TBC1D19: variants seen among roughly 807,000 people sequenced by gnomAD.
The protein encoded by TBC1D19 is TBC1 domain family member 19.
Under a neutral mutation model 89.0 loss-of-function variants are expected in TBC1D19, and 60 were observed. The ratio of observed to expected loss-of-function variants is 0.67; its 90% CI spans 0.55 to 0.84. The LOEUF (loss-of-function observed/expected upper bound fraction) is 0.84, where lower values mean the gene tolerates loss of function less well. Among genes scored for constraint, TBC1D19 ranks in the 40% least tolerant of loss-of-function variants. The probability of loss-of-function intolerance (pLI) is 0.00; values close to 1 mark genes in which losing one functional copy is unlikely to be tolerated. For missense variants in TBC1D19, 500 were observed against 610.8 expected (o/e 0.82, Z 1.91); for synonymous variants, 189 against 199.7 (o/e 0.95, Z 0.45).
intron 13 of TBC1D19, among the ~76,000 whole-genome samples, chr4:26,699,364 C>T (rs1348107067): frequency 2.6e-5 from 4 of 152,280 alleles, no homozygotes; most frequent in Admixed American, 6.5e-5. Flanking sequence ...CAGGAAACAA[C>T]AGGTGCTGGA....
At chr4:26,738,956 A>G (rs994855523) in intron 16 of TBC1D19, among the ~76,000 whole-genome samples, 26 of 152,172 alleles carry the variant, frequency 1.7e-4, no homozygotes, top group African/African-American at 5.8e-4. Flanking sequence ...AGAGCCCCAG[A>G]AATTCTTACT....
chr4:26,589,383 A>G (rs752060867), intron 1 of TBC1D19, among the ~76,000 whole-genome samples: 1 of 152,116 alleles, frequency 6.6e-6, no homozygotes, highest in African/African-American at 2.4e-5. Context: ...CATTGTTTCT[A>G]CTACATCCTT....
chr4:26,817,813 C>G, the TBC1D19 span, among the ~76,000 whole-genome samples: 10 of 151,562 alleles, frequency 6.6e-5, no homozygotes. Context: ...ACTAAAAATA[C>G]AAAAATTAGC....
the TBC1D19 span, among the ~76,000 whole-genome samples, chr4:26,779,064 T>C: frequency 6.6e-6 from 1 of 152,326 alleles, no homozygotes; most frequent in Non-Finnish European, 1.5e-5. Context: ...TAGTCCTTCA[T>C]GTTCCTAAGA....
chr4:26,692,680 A>C (rs1714409760), intron 13 of TBC1D19, among the ~76,000 whole-genome samples: 1 of 152,252 alleles, frequency 6.6e-6, no homozygotes, highest in Non-Finnish European at 1.5e-5. Context: ...GCAAACACTT[A>C]AGAGTAACAA....
At chr4:26,623,456 CT>C (rs1331109222) in intron 4 of TBC1D19, among the ~76,000 whole-genome samples, 2 of 152,146 alleles carry the variant, frequency 1.3e-5, no homozygotes, top group Non-Finnish European at 2.9e-5. Flanking sequence ...CTCTGTCTCA[CT>C]CATTTTAAGC....
At chr4:26,590,379 G>A (rs755508222) in intron 1 of TBC1D19, among the ~76,000 whole-genome samples, 17 of 152,226 alleles carry the variant, frequency 1.1e-4, no homozygotes, top group Middle Eastern at 3.4e-3. Flanking sequence ...CTATAATGTC[G>A]TGAGAATGAT....
chr4:26,773,517 A>T, the TBC1D19 span, among the ~76,000 whole-genome samples: 1 of 152,090 alleles, frequency 6.6e-6, no homozygotes, highest in African/African-American at 2.4e-5. Flanking sequence ...TGCTTTTGAC[A>T]TTTTTGTCAT....
Position 26,673,883 on chromosome 4 carries a change from C to T in TBC1D19, c.811C>T (p.Pro271Ser), listed in dbSNP as rs777031702. Residue 271 changes from proline to serine, a missense_variant, in exon 11 of 21, where the codon CCT (proline) becomes TCT (serine). Transcript: ENST00000264866. Reference sequence around the variant, plus strand: ...TCTCATTTTGAATATTTCCAGCCAACCTGAGGTAAGAAGAAAAAAAGGGTG... The same window carrying T: ...TCTCATTTTGAATATTTCCAGCCAATCTGAGGTAAGAAGAAAAAAAGGGTG... The part of the protein sequence containing the change: ...WALILNISSQ[P>S]EDVLYYEQLK... The T allele has an allele frequency of 1.1e-5, 17 of 1,582,956 alleles. No individual in the cohort carries two copies. Among genetic ancestry groups the T allele is most frequent in the Middle Eastern group, 1.7e-4 (1 of 5,946 alleles).
intron 15 of TBC1D19, among the ~76,000 whole-genome samples, chr4:26,730,618 A>G (rs1374617319): frequency 6.6e-6 from 1 of 152,224 alleles, no homozygotes; most frequent in Non-Finnish European, 1.5e-5. Flanking sequence ...ATACTTTGAT[A>G]ACAATCTGGA....
the TBC1D19 span, among the ~76,000 whole-genome samples, chr4:26,765,927 T>C: frequency 2.3e-4 from 35 of 152,188 alleles, no homozygotes; most frequent in Admixed American, 2.2e-3. Flanking sequence ...CTGCAAGGTT[T>C]TTTTGAAATA....
the TBC1D19 span, among the ~76,000 whole-genome samples, chr4:26,826,026 A>G: frequency 1.3e-5 from 2 of 152,132 alleles, no homozygotes; most frequent in African/African-American, 4.8e-5. Flanking sequence ...ACATGGCGAA[A>G]CCCCATCTCT....
intron 13 of TBC1D19, among the ~76,000 whole-genome samples, chr4:26,716,961 T>C (rs1276074463): frequency 6.6e-6 from 1 of 152,108 alleles, no homozygotes; most frequent in Non-Finnish European, 1.5e-5. Context: ...TCTGTATTTC[T>C]AAATTTGTCA....
the TBC1D19 span, among the ~76,000 whole-genome samples, chr4:26,837,597 A>G: frequency 3.3e-5 from 5 of 152,238 alleles, no homozygotes; most frequent in African/African-American, 1.2e-4. Flanking sequence ...TTTAAATTCC[A>G]ATCTCTTAGC....
intron 11 of TBC1D19, among the ~76,000 whole-genome samples, chr4:26,679,127 C>T (rs539872365): frequency 3.4e-4 from 52 of 152,134 alleles, no homozygotes; most frequent in Non-Finnish European, 7.1e-4. Flanking sequence ...GAGCCAAATG[C>T]TAATTGCCAA....
intron 7 of TBC1D19, among the ~76,000 whole-genome samples, chr4:26,643,994 T>A (rs1037813506): frequency 2.0e-5 from 3 of 151,946 alleles, no homozygotes; most frequent in Non-Finnish European, 2.9e-5. Flanking sequence ...CTACCAGAGG[T>A]ACAAAGAGGA....
At chr4:26,752,502 TCC>T (rs1719025649) in intron 19 of TBC1D19, among the ~76,000 whole-genome samples, 1 of 152,174 alleles carries the variant, frequency 6.6e-6, no homozygotes, top group Non-Finnish European at 1.5e-5. Context: ...TGTCTCAGCC[TCC>T]CAAAGCACTG....
intron 11 of TBC1D19, among the ~76,000 whole-genome samples, chr4:26,677,802 C>A (rs1712972023): frequency 6.6e-6 from 1 of 152,178 alleles, no homozygotes; most frequent in Admixed American, 6.5e-5. Flanking sequence ...CTTTACTGGG[C>A]ACTCATTCTC....
At chr4:26,597,186 G>A (rs150944516) in intron 1 of TBC1D19, among the ~76,000 whole-genome samples, 467 of 152,244 alleles carry the variant, frequency 3.1e-3, no homozygotes, top group Non-Finnish European at 5.9e-3. Flanking sequence ...CCATGATTAT[G>A]TATTAGTCTA....
Sources: allele counts gnomAD v4.1 joint callset (sites outside exome capture counted in the v4.1 genomes callset), GRCh38; gene constraint gnomAD v4.1.1; transcripts MANE v1.5; gene names NCBI Gene and HGNC (gene_info 2026-07-23, HGNC 2026-07-21).